Variants in NLGN1 observed in about 807,000 individuals in gnomAD.
NLGN1 encodes the protein neuroligin-1.
Under a neutral mutation model 65.5 loss-of-function variants are expected in NLGN1, and 12 were observed. The ratio of observed to expected loss-of-function variants is 0.18; its 90% CI spans 0.12 to 0.30. The LOEUF is 0.30. NLGN1 is among the 10% of genes least tolerant of loss of function. The pLI is 1.00. For synonymous variants in NLGN1, 350 were observed against 359.5 expected (o/e 0.97, Z 0.30); for missense variants, 750 against 1,007.1 (o/e 0.74, Z 3.46).
intron 4 of NLGN1, among the ~76,000 whole-genome samples, chr3:174,114,508 C>A (rs1715933030): frequency 6.6e-6 from 1 of 152,080 alleles, no homozygotes; most frequent in Admixed American, 6.6e-5. Flanking sequence ...TTATCTGATG[C>A]CTTACTCAAT....
Position 173,605,515 on chromosome 3 carries a change from T to A in NLGN1, c.493+424T>A. On this transcript the variant is annotated intron_variant, in intron 3 of 6. Coordinates refer to ENST00000457714, the Ensembl canonical transcript of NLGN1. The stretch of plus-strand genomic sequence containing the variant: ...GATGGAGCGCCATGTTATTTTCTAG[T>A]CTTCTATTCATTTTTCAGTAAAAAG... 1 of 1,264,344 alleles carries A rather than the reference T, an allele frequency of 7.9e-7. No homozygotes were observed. The allele number at this position is 1,264,344 out of a possible 1,614,324, so 78.3% of individuals were successfully genotyped here. A position where few individuals can be genotyped will look rare whatever the true frequency, so the allele number is the denominator to read the frequency against.
intron 4 of NLGN1, among the ~76,000 whole-genome samples, chr3:173,877,581 A>G (rs986122813): frequency 1.3e-5 from 2 of 152,156 alleles, no homozygotes; most frequent in African/African-American, 4.8e-5. Context: ...CTTAGTTGTG[A>G]TAAATAGGCT....
At chr3:174,043,101 A>G (rs578058062) in intron 4 of NLGN1, among the ~76,000 whole-genome samples, 6 of 152,280 alleles carry the variant, frequency 3.9e-5, no homozygotes, top group African/African-American at 1.4e-4. Flanking sequence ...TCTTGTGAGA[A>G]CTCACTCACC....
chr3:174,066,758 G>A (rs1738699627), intron 4 of NLGN1, among the ~76,000 whole-genome samples: 1 of 152,090 alleles, frequency 6.6e-6, no homozygotes, highest in Non-Finnish European at 1.5e-5. Context: ...TGGGCAAGGT[G>A]TGATTTGGCA....
chr3:173,972,478 G>A (rs1209696552), intron 4 of NLGN1, among the ~76,000 whole-genome samples: 1 of 152,078 alleles, frequency 6.6e-6, no homozygotes, highest in African/African-American at 2.4e-5. Flanking sequence ...GGCACATTTG[G>A]TTCAGTAAGT....
At chr3:173,453,664 C>A (rs1722017669) in intron 2 of NLGN1, among the ~76,000 whole-genome samples, 1 of 152,202 alleles carries the variant, frequency 6.6e-6, no homozygotes, top group African/African-American at 2.4e-5. Context: ...ACTCCTCATT[C>A]ATTCAAGTTT....
chr3:173,587,267 G>T (rs1334928909), intron 2 of NLGN1, among the ~76,000 whole-genome samples: 1 of 152,100 alleles, frequency 6.6e-6, no homozygotes, highest in African/African-American at 2.4e-5. Flanking sequence ...AAAATGAAAA[G>T]GGAGAAAGTG....
At chr3:173,850,259 G>A (rs6786270) in intron 4 of NLGN1, among the ~76,000 whole-genome samples, 10,587 of 152,112 alleles carry the variant, frequency 0.07, 772 homozygotes, top group African/African-American at 0.19. Context: ...GTGATTATGG[G>A]TATATACGGA....
chr3:174,243,242 G>C (rs1327648447), intron 4 of NLGN1, among the ~76,000 whole-genome samples: 2 of 152,164 alleles, frequency 1.3e-5, no homozygotes, highest in African/African-American at 2.4e-5. Context: ...ACCCTTTGCT[G>C]TAAGGAAGGA....
At chr3:174,158,242 CGAA>C (rs1175348237) in intron 4 of NLGN1, among the ~76,000 whole-genome samples, 3 of 151,526 alleles carry the variant, frequency 2.0e-5, no homozygotes, top group African/African-American at 7.3e-5. Context: ...TTCTCAAATG[CGAA>C]GAAGAAAATT....
chr3:173,689,233 G>A (rs901642643), intron 3 of NLGN1, among the ~76,000 whole-genome samples: 7 of 152,112 alleles, frequency 4.6e-5, no homozygotes, highest in African/African-American at 7.2e-5. Flanking sequence ...GCAGCATGGC[G>A]AAATCAAACC....
intron 4 of NLGN1, among the ~76,000 whole-genome samples, chr3:173,808,219 A>G (rs956104547): frequency 6.6e-6 from 1 of 152,126 alleles, no homozygotes; most frequent in Non-Finnish European, 1.5e-5. Context: ...TGGAGTATGT[A>G]TATGGACTCG....
intron 4 of NLGN1, among the ~76,000 whole-genome samples, chr3:174,216,942 A>G (rs1279985458): frequency 6.6e-6 from 1 of 152,122 alleles, no homozygotes; most frequent in Non-Finnish European, 1.5e-5. Flanking sequence ...AAAACATTTG[A>G]ACAAGTTAGT....
intron 3 of NLGN1, among the ~76,000 whole-genome samples, chr3:173,774,276 A>G (rs1402369686): frequency 1.3e-5 from 2 of 152,222 alleles, no homozygotes; most frequent in African/African-American, 4.8e-5. Context: ...GGTTCTTGGT[A>G]GTAGAGATGG....
At chr3:173,963,668 T>C (rs935365605) in intron 4 of NLGN1, among the ~76,000 whole-genome samples, 3 of 152,144 alleles carry the variant, frequency 2.0e-5, no homozygotes, top group Non-Finnish European at 4.4e-5. Flanking sequence ...ATAGTATAAT[T>C]AGGACAGGAT....
intron 3 of NLGN1, among the ~76,000 whole-genome samples, chr3:173,743,436 C>A (rs1024082373): frequency 6.6e-6 from 1 of 152,134 alleles, no homozygotes; most frequent in Non-Finnish European, 1.5e-5. Flanking sequence ...CTTCTTTGAA[C>A]AGCTGCTACT....
intron 4 of NLGN1, among the ~76,000 whole-genome samples, chr3:173,887,250 T>A (rs1472661185): frequency 6.6e-6 from 1 of 152,004 alleles, no homozygotes; most frequent in East Asian, 1.9e-4. Context: ...ATGCTTTCAT[T>A]TGGGGAGATT....
At chr3:174,236,855 C>A (rs1356504414) in intron 4 of NLGN1, among the ~76,000 whole-genome samples, 1 of 151,986 alleles carries the variant, frequency 6.6e-6, no homozygotes, top group Non-Finnish European at 1.5e-5. Flanking sequence ...TATATAGATT[C>A]TATGGCTTAC....
chr3:173,813,307 C>G (rs1718361179), intron 4 of NLGN1, among the ~76,000 whole-genome samples: 1 of 152,090 alleles, frequency 6.6e-6, no homozygotes, highest in South Asian at 2.1e-4. Context: ...GTCTCATACT[C>G]CAAAACAAAT....
Sources: allele counts gnomAD v4.1 joint callset (sites outside exome capture counted in the v4.1 genomes callset), GRCh38; gene constraint gnomAD v4.1.1; transcripts MANE v1.5; gene names NCBI Gene and HGNC (gene_info 2026-07-23, HGNC 2026-07-21).